PTP4A3: variants seen among roughly 807,000 people sequenced by gnomAD.
PTP4A3 encodes the protein protein tyrosine phosphatase type IVA 3.
Under a neutral mutation model 15.2 loss-of-function variants are expected in PTP4A3, and 9 were observed. That is an observed-to-expected ratio of 0.59 (90% confidence interval 0.36 to 1.03). The LOEUF (loss-of-function observed/expected upper bound fraction) is 1.03, where lower values mean the gene tolerates loss of function less well. Among genes scored for constraint, PTP4A3 ranks in the 50% least tolerant of loss-of-function variants. The pLI, the probability that PTP4A3 is intolerant of heterozygous loss-of-function variation, is 0.02. For synonymous variants in PTP4A3, 95 were observed against 102.0 expected (o/e 0.93, Z 0.41); for missense variants, 234 against 252.1 (o/e 0.93, Z 0.49).
chr8:141,431,059 T>C lies in PTP4A3; in HGVS notation c.*15T>C. 1 of 1,611,594 alleles carries C rather than the reference T, an allele frequency of 6.2e-7. No individual in the cohort carries two copies. Among genetic ancestry groups the C allele is most frequent in the Admixed American group, 1.7e-5 (1 of 60,006 alleles). On this transcript the variant is annotated 3_prime_UTR_variant, in exon 6 of 6. Transcript: ENST00000521578. ...GCGTTATGTAGCTCAGGACCTTGGC[T>C]GGGCCTGGTCGTCATGTAGGTCAGG...
rs1833863180 is a variant in PTP4A3 at position 141,431,280 on chromosome 8, C to T, written c.*236C>T. 2 of 562,902 alleles carry T rather than the reference C, an allele frequency of 3.6e-6. No individual in the cohort carries two copies. The highest frequency in any genetic ancestry group is 6.3e-6 in the Non-Finnish European group (2 of 317,920). The allele number at this position is 562,902 out of a possible 1,614,324, so 34.9% of individuals were successfully genotyped here. Reference sequence around the variant, plus strand: ...GTCTCCGCCACTCCCTCTGGCGGCGCTGGCCGTGGCTCTGTCTCTCTGAGG... The same window carrying T: ...GTCTCCGCCACTCCCTCTGGCGGCGTTGGCCGTGGCTCTGTCTCTCTGAGG... On this transcript the variant is annotated 3_prime_UTR_variant, in exon 6 of 6. Transcript: ENST00000521578.
intron 2 of PTP4A3, 125 bp downstream of exon 2, chr8:141,422,470 G>A: frequency 2.0e-6 from 2 of 1,019,590 alleles, no homozygotes; most frequent in Non-Finnish European, 3.0e-6. Flanking sequence ...CACAGCCTTG[G>A]AACAAAGCCC....
intron 1 of PTP4A3, among the ~76,000 whole-genome samples, chr8:141,410,220 C>T (rs1414547371): frequency 1.3e-5 from 2 of 152,224 alleles, no homozygotes; most frequent in East Asian, 1.9e-4. Flanking sequence ...GGGCAGGAGT[C>T]GGGAGGCCCC....
At chr8:141,430,830 C>G (rs936884719) in intron 5 of PTP4A3, 97 bp from the exon 6 acceptor site, 19 of 1,211,686 alleles carry the variant, frequency 1.6e-5, no homozygotes, top group East Asian at 2.4e-5. Context: ...AGGCCTTACT[C>G]CAGCCCACTG....
chr8:141,414,976 T>C (rs1275330093), intron 1 of PTP4A3, among the ~76,000 whole-genome samples: 1 of 147,672 alleles, frequency 6.8e-6, no homozygotes, highest in Non-Finnish European at 1.5e-5. Context: ...GAAGGAACTA[T>C]GTTAGAAGTT....
chr8:141,410,802 T>C (rs73713627), intron 1 of PTP4A3, among the ~76,000 whole-genome samples: 2,333 of 152,208 alleles, frequency 0.015, 72 homozygotes, highest in African/African-American at 0.053. Context: ...CACAGCCCTG[T>C]GTGAGGACAG....
chr8:141,404,330 C>G (rs1052704479), intron 1 of PTP4A3, among the ~76,000 whole-genome samples: 9 of 152,392 alleles, frequency 5.9e-5, no homozygotes, highest in Admixed American at 4.6e-4. Flanking sequence ...CGCCTCTCCC[C>G]CTTTCAGGGG....
chr8:141,415,624 CGGGGGGCAGGGGGCGGGGCG>C (rs1166996175), intron 1 of PTP4A3, among the ~76,000 whole-genome samples: 1 of 38,388 alleles, frequency 2.6e-5, no homozygotes, highest in Non-Finnish European at 5.7e-5. Flanking sequence ...GCGCGGAGGG[CGGGGGGCAGGGGGCGGGGCG>C]GGGGGGCAGG....
chr8:141,411,525 T>C (rs1832868703), intron 1 of PTP4A3, among the ~76,000 whole-genome samples: 1 of 152,162 alleles, frequency 6.6e-6, no homozygotes, highest in Non-Finnish European at 1.5e-5. Flanking sequence ...AGCCCAGAAA[T>C]AGCTGTGACC....
In PTP4A3 at chr8:141,427,025, C is replaced by A; in HGVS notation, c.285C>A (p.Ala95=). Residue 95 remains alanine (A), a synonymous_variant, in exon 4 of 6, where the codon GCC becomes GCA. Coordinates refer to ENST00000521578, the MANE Select transcript of PTP4A3 (RefSeq NM_032611.3). ...TGGTGAAGGCCAAGTTCTGTGAGGC[C>A]CCCGGCAGCTGCGTGGCTGTGCACT... ...LSLVKAKFCE[A]PGSCVAVHCV... The A allele has an allele frequency of 6.2e-7, 1 of 1,602,680 alleles. No homozygotes were observed. The highest frequency in any genetic ancestry group is 8.5e-7 in the Non-Finnish European group (1 of 1,179,816).
chr8:141,401,429 C>A (rs1287478947), intron 1 of PTP4A3, among the ~76,000 whole-genome samples: 2 of 151,348 alleles, frequency 1.3e-5, no homozygotes, highest in African/African-American at 4.9e-5. Context: ...CTTCAGTGTC[C>A]CCCTCTGTAA....
rs116665771 is a variant in PTP4A3 at position 141,406,174 on chromosome 8, C to T, written c.-854+14090C>T. On this transcript the variant is annotated intron_variant, in intron 1 of 5. Transcript: ENST00000521578. This position sits in a 1 kb window ranked among gnomAD's most constrained non-coding sequence, Gnocchi z 4.5. Reference sequence around the variant, plus strand: ...GGTATCCCAGATTCTTGGTGACCCTCGGTAGCCCCTCTGGGCGGTGGCTTT... The same window carrying T: ...GGTATCCCAGATTCTTGGTGACCCTTGGTAGCCCCTCTGGGCGGTGGCTTT... 0.041 allele frequency among the ~76,000 whole-genome samples: 6,197 copies of T among 152,202 alleles called. 168 individuals carry two copies. Among genetic ancestry groups the T allele is most frequent in the Middle Eastern group, 0.16 (46 of 294 alleles).
chr8:141,429,198 G>A (rs76076049), intron 5 of PTP4A3, among the ~76,000 whole-genome samples: 2,570 of 152,360 alleles, frequency 0.017, 41 homozygotes, highest in Non-Finnish European at 0.021. Context: ...CCAGTGTGCC[G>A]GCTGCTGGGC....
chr8:141,418,326 C>T (rs1400468293), intron 1 of PTP4A3, among the ~76,000 whole-genome samples: 5 of 152,230 alleles, frequency 3.3e-5, no homozygotes, highest in Non-Finnish European at 5.9e-5. Context: ...ACTTCTTAAG[C>T]TGCTGTGCCA....
Position 141,426,961 on chromosome 8 carries a change from C to T in PTP4A3, c.221C>T (p.Ala74Val), listed in dbSNP as rs941573806. ...TAGGACTGGCCGTTTGACGATGGGG[C>T]GCCCCCGCCCGGCAAGGTAGTGGAA... The part of the protein sequence containing the change: ...TVVDWPFDDG[A>V]PPPGKVVEDW... The change falls in exon 4 of 6, where the codon GCG becomes GTG. Residue 74 changes from alanine to valine, a missense_variant. Ala to Val is a moderately conservative substitution (Grantham distance 64, BLOSUM62 0). Coordinates refer to ENST00000521578, the MANE Select transcript of PTP4A3 (RefSeq NM_032611.3). 36 of 1,610,398 alleles carry T rather than the reference C, an allele frequency of 2.2e-5. No homozygotes were observed. In the Admixed American group the frequency reaches 2.7e-4, roughly 12 times the overall value.
intron 1 of PTP4A3, among the ~76,000 whole-genome samples, chr8:141,394,922 C>T (rs79911690): frequency 0.034 from 5,113 of 152,288 alleles, 108 homozygotes; most frequent in Non-Finnish European, 0.048. Context: ...TGGGTGTGTG[C>T]GGTTGGGGGC....
chr8:141,426,898 C>G, intron 3 of PTP4A3, 41 bp from the exon 4 acceptor site: 1 of 1,597,580 alleles, frequency 6.3e-7, no homozygotes, highest in South Asian at 1.1e-5. Flanking sequence ...CCTCTCTACC[C>G]TCCCTCAGCC....
intron 1 of PTP4A3, among the ~76,000 whole-genome samples, chr8:141,415,913 C>T (rs897629606): frequency 2.6e-5 from 4 of 151,792 alleles, no homozygotes; most frequent in African/African-American, 9.7e-5. Flanking sequence ...CTGCTTGGGT[C>T]TCCCCTCCTG....
At chr8:141,424,174 C>T (rs1563737960) in intron 2 of PTP4A3, among the ~76,000 whole-genome samples, 1 of 152,136 alleles carries the variant, frequency 6.6e-6, no homozygotes, top group African/African-American at 2.4e-5. Flanking sequence ...GCTGGCCTCT[C>T]TGTGTTCCAG....
Sources: gnomAD v4.1 joint callset for allele counts (sites outside exome capture counted in the v4.1 genomes callset) on GRCh38, gnomAD v4.1.1 for gene constraint, Gnocchi (gnomAD v3.1) non-coding constraint, MANE v1.5 for transcripts, NCBI Gene and HGNC (gene_info 2026-07-23, HGNC 2026-07-21) for gene names.